Variants in GRID2 observed in about 807,000 individuals in gnomAD.
GRID2 encodes glutamate receptor ionotropic, delta-2.
A neutral mutation model predicts 114.8 loss-of-function variants in GRID2; 33 were observed. That is an observed-to-expected ratio of 0.29 (90% CI 0.22 to 0.38). GRID2 has a LOEUF of 0.38. Ranked by LOEUF, GRID2 falls within the 10% of genes least tolerant of loss-of-function variation. The pLI, the probability that GRID2 is intolerant of heterozygous loss-of-function variation, is 1.00. For missense variants in GRID2, 1,184 were observed against 1,257.7 expected, an observed-to-expected ratio of 0.94 and a Z score of 0.89; for synonymous variants, 505 against 449.9, an observed-to-expected ratio of 1.12 and a Z score of -1.55.
At chr4:92,707,952 A>C (rs937160636) in intron 2 of GRID2, among the ~76,000 whole-genome samples, 1 of 152,182 alleles carries the variant, frequency 6.6e-6, no homozygotes, top group Non-Finnish European at 1.5e-5. Context: ...TGGAGTTCCA[A>C]GGGAATTCCT....
At chr4:93,476,167 T>C (rs1232967460) in intron 11 of GRID2, among the ~76,000 whole-genome samples, 1 of 152,160 alleles carries the variant, frequency 6.6e-6, no homozygotes, top group Admixed American at 6.6e-5. Flanking sequence ...TTTTGGTTGG[T>C]TGTTTACTTT....
intron 2 of GRID2, among the ~76,000 whole-genome samples, chr4:92,662,528 G>T (rs1732569658): frequency 6.6e-6 from 1 of 150,764 alleles, no homozygotes; most frequent in South Asian, 2.1e-4. Context: ...TTGAATCATT[G>T]TCTCTACTAT....
At chr4:92,854,521 A>G (rs539744079) in intron 2 of GRID2, among the ~76,000 whole-genome samples, 41 of 151,512 alleles carry the variant, frequency 2.7e-4, no homozygotes, top group African/African-American at 8.2e-4. Context: ...ATTTCTGGAG[A>G]GAAGTTGTGA....
chr4:92,714,600 A>G (rs1208689133), intron 2 of GRID2, among the ~76,000 whole-genome samples: 2 of 152,118 alleles, frequency 1.3e-5, no homozygotes, highest in African/African-American at 2.4e-5. Flanking sequence ...AGGCATTTCC[A>G]TACATCCTCT....
intron 2 of GRID2, among the ~76,000 whole-genome samples, chr4:92,978,875 T>C (rs1222792287): frequency 1.3e-5 from 2 of 151,866 alleles, no homozygotes; most frequent in Non-Finnish European, 2.9e-5. Flanking sequence ...AATAAAAAAT[T>C]AGCCAGACAT....
At chr4:93,170,421 T>C (rs1738691435) in intron 4 of GRID2, among the ~76,000 whole-genome samples, 1 of 152,128 alleles carries the variant, frequency 6.6e-6, no homozygotes. Flanking sequence ...TGGAATCCAG[T>C]TGCAGCAATG....
intron 1 of GRID2, among the ~76,000 whole-genome samples, chr4:92,442,692 T>C (rs578235964): frequency 2.0e-5 from 3 of 152,222 alleles, no homozygotes; most frequent in East Asian, 3.9e-4. Flanking sequence ...AAGATGGCCT[T>C]TTGACCTTTT....
Position 93,398,410 on chromosome 4 carries a change from C to G in GRID2, c.1347+2702C>G, listed in dbSNP as rs569649782. On this transcript the variant is annotated intron_variant, in intron 9 of 15. Transcript: ENST00000282020. ...GATTCTAGACGTTAACCCCTTCCCT[C>G]TTAATGATACATTATACTGTCTCCA... Among the ~76,000 whole-genome samples the G allele has an allele frequency of 1.0e-3, 151 of 151,486 alleles. 1 individual carries two copies. The highest frequency in any genetic ancestry group is 3.6e-3 in the African/African-American group (148 of 41,330).
intron 4 of GRID2, among the ~76,000 whole-genome samples, chr4:93,120,587 G>T (rs947698268): frequency 6.6e-6 from 1 of 152,132 alleles, no homozygotes; most frequent in Non-Finnish European, 1.5e-5. Flanking sequence ...ACACACTTGG[G>T]CCTGTCAGGG....
At chr4:93,511,264 A>C (rs951290851) in intron 12 of GRID2, among the ~76,000 whole-genome samples, 5 of 152,160 alleles carry the variant, frequency 3.3e-5, no homozygotes, top group Non-Finnish European at 7.3e-5. Flanking sequence ...GCTTGAAAAG[A>C]GTTTCAGTGT....
At chr4:92,476,853 A>G (rs564976278) in intron 1 of GRID2, among the ~76,000 whole-genome samples, 1 of 152,266 alleles carries the variant, frequency 6.6e-6, no homozygotes, top group East Asian at 1.9e-4. Context: ...AGTGAAATTC[A>G]TTTAGGAACG....
At chr4:93,097,365 T>A (rs1490935116) in intron 3 of GRID2, among the ~76,000 whole-genome samples, 1 of 151,688 alleles carries the variant, frequency 6.6e-6, no homozygotes, top group Non-Finnish European at 1.5e-5. Flanking sequence ...AAAAAACAAT[T>A]TACAGAAATA....
At chr4:92,971,906 T>C (rs937067466) in intron 2 of GRID2, among the ~76,000 whole-genome samples, 3 of 152,154 alleles carry the variant, frequency 2.0e-5, no homozygotes, top group Non-Finnish European at 2.9e-5. Flanking sequence ...CTATTGTGTA[T>C]ATGTACCACA....
chr4:92,404,225 G>A (rs1379191690), intron 1 of GRID2, among the ~76,000 whole-genome samples: 1 of 152,100 alleles, frequency 6.6e-6, no homozygotes, highest in Non-Finnish European at 1.5e-5. Flanking sequence ...TTTCCAAAAA[G>A]AAATTAAGAG....
intron 2 of GRID2, among the ~76,000 whole-genome samples, chr4:92,973,323 T>A (rs1286771489): frequency 7.2e-5 from 11 of 152,100 alleles, no homozygotes; most frequent in Admixed American, 7.2e-4. Context: ...ATAATGAAAT[T>A]ATATAAGGAA....
chr4:92,794,905 T>TATATATATATACACACAC (rs745392261), intron 2 of GRID2, among the ~76,000 whole-genome samples: 38 of 127,786 alleles, frequency 3.0e-4, no homozygotes, highest in East Asian at 1.2e-3. Context: ...TATATATATA[T>TATATATATATACACACAC]ACACACACAC....
chr4:92,713,467 A>T (rs1397835231), intron 2 of GRID2, among the ~76,000 whole-genome samples: 1 of 95,354 alleles, frequency 1.0e-5, no homozygotes, highest in Non-Finnish European at 2.0e-5. Flanking sequence ...ATATTTACAT[A>T]TACATATACA....
Position 92,947,526 on chromosome 4 carries a change from G to C in GRID2, c.245-137469G>C, listed in dbSNP as rs538107540. Among the ~76,000 whole-genome samples, 6 of 151,748 alleles carry C rather than the reference G, an allele frequency of 4.0e-5. No individual in the cohort carries two copies. The East Asian group carries it at 1.2e-3, about 29-fold the overall frequency. On this transcript the variant is annotated intron_variant, in intron 2 of 15. Transcript: ENST00000282020. ...ATTTTTATTAGTAAAGAATAAACTT[G>C]CAAAGTTTCAGATTTATATTTTTTT...
At chr4:93,556,119 G>C (rs929213425) in intron 13 of GRID2, among the ~76,000 whole-genome samples, 1 of 152,170 alleles carries the variant, frequency 6.6e-6, no homozygotes, top group Non-Finnish European at 1.5e-5. Context: ...CAGCATCAAA[G>C]ACCAAAGGTA....
Sources: gnomAD v4.1 joint callset for allele counts (sites outside exome capture counted in the v4.1 genomes callset) on GRCh38, gnomAD v4.1.1 for gene constraint, MANE v1.5 for transcripts, NCBI Gene and HGNC (gene_info 2026-07-23, HGNC 2026-07-21) for gene names.